The following CTR9 variants were observed in gnomAD, a reference collection of about 807,000 sequenced individuals.
CTR9 encodes CTR9 component of Paf1/RNA polymerase II complex, also known as RNA polymerase-associated protein CTR9 homolog.
In CTR9, 41 loss-of-function variants were observed where a neutral mutation model predicts 152.1. The ratio of observed to expected loss-of-function variants is 0.27; its 90% CI spans 0.21 to 0.35. The LOEUF is 0.35. Ranked by LOEUF, CTR9 falls within the 10% of genes least tolerant of loss-of-function variation. The probability of loss-of-function intolerance (pLI) is 1.00; values close to 1 mark genes in which losing one functional copy is unlikely to be tolerated. For missense variants in CTR9, 917 were observed against 1,424.4 expected (o/e 0.64, Z 5.73); for synonymous variants, 476 against 496.2 (o/e 0.96, Z 0.54).
Position 10,752,690 on chromosome 11 carries a change from G to C in CTR9, c.64G>C (p.Asp22His). Reference sequence around the variant, plus strand: ...ATTTTAGGTCATTGAACTTGACTTCGATCAGTTACCGGAGGGAGATGAAGT... The same window carrying C: ...ATTTTAGGTCATTGAACTTGACTTCCATCAGTTACCGGAGGGAGATGAAGT... ...DTDEVIELDF[D>H]QLPEGDEVIS... Residue 22 changes from aspartate to histidine, a missense_variant, in exon 2 of 25, where the codon GAT (aspartate) becomes CAT (histidine). Coordinates refer to ENST00000361367, the MANE Select transcript of CTR9 (RefSeq NM_014633.5). 6.2e-7 allele frequency: 1 copy of C among 1,613,578 alleles called. No individual in the cohort carries two copies. Among genetic ancestry groups the C allele is most frequent in the Non-Finnish European group, 8.5e-7 (1 of 1,179,592 alleles).
Position 10,770,508 on chromosome 11 carries a change from G to C in CTR9, c.2248G>C (p.Asp750His). The C allele has an allele frequency of 1.9e-6, 3 of 1,613,196 alleles. No individual in the cohort carries two copies. Among genetic ancestry groups the C allele is most frequent in the Non-Finnish European group, 2.5e-6 (3 of 1,179,740 alleles). The change falls in exon 18 of 25, where the codon GAT becomes CAT. Residue 750 changes from aspartate to histidine, a missense_variant. This residue lies in a region of CTR9 where 106 missense variants were observed against 157.8 expected (regional missense o/e 0.67). Coordinates refer to ENST00000361367, the MANE Select transcript of CTR9 (RefSeq NM_014633.5). ...ACAGGCTAGACATGTGGCACCCAGT[G>C]ATACAGTTCTTATGTTTAATGTGGC... is the stretch of plus-strand genomic sequence containing the variant. ...LLKARHVAPS[D>H]TVLMFNVALV...
At chr11:10,773,887 A>G in intron 21 of CTR9, 125 bp from the exon 22 acceptor site, 2 of 541,350 alleles carry the variant, frequency 3.7e-6, no homozygotes, top group Non-Finnish European at 5.9e-6. Flanking sequence ...TTCATCTCAA[A>G]AAAAAAAAAA....
At chr11:10,774,320 A>G (rs1017903223) in intron 22 of CTR9, 151 bp downstream of exon 22, 3 of 878,468 alleles carry the variant, frequency 3.4e-6, no homozygotes, top group Admixed American at 2.6e-5. Flanking sequence ...ATCCTAAGAT[A>G]GACCCCAGTA....
Position 10,768,499 on chromosome 11 carries a change from C to G in CTR9, c.2109+8C>G. 1 of 1,581,616 alleles carries G rather than the reference C, an allele frequency of 6.3e-7. No individual in the cohort carries two copies. Among genetic ancestry groups the G allele is most frequent in the Non-Finnish European group, 8.6e-7 (1 of 1,167,606 alleles). Reference sequence around the variant, plus strand: ...ATCAGCGCCGTTCAGATGGTAATAGCTTCTCTTTCAAGATATTTTTATATC... The same window carrying G: ...ATCAGCGCCGTTCAGATGGTAATAGGTTCTCTTTCAAGATATTTTTATATC... On this transcript the variant is annotated splice_region_variant and intron_variant, in intron 16 of 24. Transcript: ENST00000361367.
intron 21 of CTR9, 76 bp downstream of exon 21, chr11:10,773,349 A>G: frequency 6.4e-7 from 1 of 1,551,846 alleles, no homozygotes; most frequent in South Asian, 1.2e-5. Flanking sequence ...ATAATTGGTT[A>G]AATTCCTTCT....
At chr11:10,751,961 T>C (rs1862809729) in intron 1 of CTR9, among the ~76,000 whole-genome samples, 1 of 152,168 alleles carries the variant, frequency 6.6e-6, no homozygotes, top group South Asian at 2.1e-4. Context: ...TATCCCAAGA[T>C]TTAGCCGCCC....
chr11:10,766,360 A>T (rs774205656), intron 12 of CTR9, 42 bp from the exon 13 acceptor site: 3 of 1,407,122 alleles, frequency 2.1e-6, no homozygotes, highest in Non-Finnish European at 3.0e-6. Context: ...GATCCTTTAT[A>T]GCTAATATTT....
In CTR9 at chr11:10,763,019, A is replaced by AG. The variant is rs200909562; in HGVS notation, c.850-412_850-411insG. On this transcript the variant is annotated intron_variant, in intron 7 of 24. Coordinates refer to ENST00000361367, the MANE Select transcript of CTR9 (RefSeq NM_014633.5). ...TGAGACCCTGTCTCAAAAAAAAAAA[A>AG]AAGTGCGCTTTATGTATTTACTTAT... Among the ~76,000 whole-genome samples, 586 of 151,720 alleles carry AG rather than the reference A, an allele frequency of 3.9e-3. 17 individuals are homozygous for AG. The highest frequency in any genetic ancestry group is 0.029 in the Admixed American group (438 of 15,270).
rs781345371 is a variant in CTR9, at chr11:10,764,305, C to T, written c.1285-3C>T. 8 of 1,613,916 alleles carry T rather than the reference C, an allele frequency of 5.0e-6. No homozygotes were observed. The stretch of plus-strand genomic sequence containing the variant: ...CCTTTTTCTGTCAATCATGAAAATA[C>T]AGGGTGCCCTTTCAGCCTATGGAAC... On this transcript the variant is annotated splice_region_variant and splice_polypyrimidine_tract_variant and intron_variant, in intron 10 of 24. Transcript: ENST00000361367.
chr11:10,762,106 T>G (rs1016621131), intron 7 of CTR9, 52 bp downstream of exon 7: 1 of 1,018,150 alleles, frequency 9.8e-7, no homozygotes, highest in African/African-American at 1.7e-5. Flanking sequence ...GTACTGCAAT[T>G]GATATTTTAT....
intron 21 of CTR9, among the ~76,000 whole-genome samples, chr11:10,773,792 C>T (rs972779008): frequency 1.3e-5 from 2 of 148,818 alleles, no homozygotes; most frequent in South Asian, 2.1e-4. Context: ...GGCTGAGGCA[C>T]GAGAATCACT....
At position 10,773,026 on chromosome 11, in the gene CTR9, CAAAAG is replaced by C. The variant is rs1454144922; in HGVS notation, c.2581-96_2581-92del. 8 of 1,383,756 alleles carry C rather than the reference CAAAAG, an allele frequency of 5.8e-6. No individual in the cohort carries two copies. The Admixed American group carries it at 1.4e-4, about 24-fold the overall frequency. 85.7% of individuals were successfully genotyped at this position (1,383,756 alleles called of 1,614,324 possible). ...TAGGCAACAGAGTGAGACTCCATCT[CAAAAG>C]AAAAAAAAAAATCCTCTGCTTAGGA... On this transcript the variant is annotated intron_variant, in intron 20 of 24. Coordinates refer to ENST00000361367, the MANE Select transcript of CTR9 (RefSeq NM_014633.5).
chr11:10,765,314 C>G (rs1178987757), intron 12 of CTR9, among the ~76,000 whole-genome samples: 1 of 152,000 alleles, frequency 6.6e-6, no homozygotes, highest in East Asian at 1.9e-4. Context: ...AAGACCCCAT[C>G]TTTATATTTT....
Position 10,752,740 on chromosome 11 carries a change from C to T in CTR9, c.114C>T (p.His38=), listed in dbSNP as rs1412227538. Reference sequence around the variant, plus strand: ...TTATCAGTATTCTGAAACAGGAACACACACAACTGCACATATGGATTGCTT... The same window carrying T: ...TTATCAGTATTCTGAAACAGGAACATACACAACTGCACATATGGATTGCTT... ...DEVISILKQE[H]TQLHIWIALA... The change falls in exon 2 of 25, where the codon CAC becomes CAT. Residue 38 remains histidine (H), a synonymous_variant. Coordinates refer to ENST00000361367, the MANE Select transcript of CTR9 (RefSeq NM_014633.5). The T allele has an allele frequency of 1.2e-6, 2 of 1,613,728 alleles. No homozygotes were observed. The highest frequency in any genetic ancestry group is 1.7e-6 in the Non-Finnish European group (2 of 1,179,786).
chr11:10,775,552 A>G lies in CTR9; in HGVS notation c.3014A>G (p.Lys1005Arg). 6.2e-7 allele frequency: 1 copy of G among 1,613,766 alleles called. No homozygotes were observed. The highest frequency in any genetic ancestry group is 8.5e-7 in the Non-Finnish European group (1 of 1,179,764). ...PKPERLPPSM[K>R]GKIKSKAIIS... Reference sequence around the variant, plus strand: ...CCAGAACGTCTGCCTCCATCAATGAAGGGAAAAATAAAATCCAAAGCCATA... The same window carrying G: ...CCAGAACGTCTGCCTCCATCAATGAGGGGAAAAATAAAATCCAAAGCCATA... The change falls in exon 24 of 25, where the codon AAG (lysine) becomes AGG (arginine). Residue 1005 changes from lysine (K) to arginine (R), a missense_variant. Coordinates refer to ENST00000361367, the MANE Select transcript of CTR9 (RefSeq NM_014633.5).
chr11:10,759,848 T>G lies in CTR9; in HGVS notation c.593-325T>G, dbSNP rs79354563. 0.053 allele frequency among the ~76,000 whole-genome samples: 8,044 copies of G among 152,240 alleles called. 377 individuals carry two copies. The highest frequency in any genetic ancestry group is 0.19 in the East Asian group (978 of 5,180). ...TTTAAGGTCTTAGTGGAACTTTTGT[T>G]CTCTGTTTAAAAATTGTTCTTCAAT... On this transcript the variant is annotated intron_variant, in intron 5 of 24. Coordinates refer to ENST00000361367, the MANE Select transcript of CTR9 (RefSeq NM_014633.5).
chr11:10,754,806 A>C (rs564840029), intron 2 of CTR9, 152 bp from the exon 3 acceptor site: 2 of 722,062 alleles, frequency 2.8e-6, no homozygotes, highest in South Asian at 2.0e-5. Context: ...TTATGGATAC[A>C]CCACAGCTTG....
chr11:10,769,748 A>AAG (rs1863113524), intron 16 of CTR9, among the ~76,000 whole-genome samples: 1 of 152,228 alleles, frequency 6.6e-6, no homozygotes, highest in Non-Finnish European at 1.5e-5. Flanking sequence ...CTAGTATTGT[A>AAG]TTGGTTTTAC....
chr11:10,773,905 C>A (rs1161084863), intron 21 of CTR9, 107 bp from the exon 22 acceptor site: 19 of 578,606 alleles, frequency 3.3e-5, no homozygotes, highest in Non-Finnish European at 5.0e-5. Context: ...AAAAAAAAAT[C>A]CTTCATTGTC....
Sources: gnomAD v4.1 joint callset for allele counts (sites outside exome capture counted in the v4.1 genomes callset) on GRCh38, gnomAD v4.1.1 for gene constraint, gnomAD v4.1.1 regional missense constraint, MANE v1.5 for transcripts, NCBI Gene and HGNC (gene_info 2026-07-23, HGNC 2026-07-21) for gene names.